ADAMTS3: variants seen among roughly 807,000 people sequenced by gnomAD.
ADAMTS3 encodes the protein A disintegrin and metalloproteinase with thrombospondin motifs 3.
ADAMTS3 carries 73 observed loss-of-function variants against 129.0 expected under a neutral mutation model. The ratio of observed to expected loss-of-function variants is 0.57; its 90% CI spans 0.47 to 0.69. ADAMTS3 has a LOEUF of 0.69. ADAMTS3 is among the 30% of genes least tolerant of loss of function. ADAMTS3 has a pLI of 0.00. For synonymous variants in ADAMTS3, 477 were observed against 510.8 expected (o/e 0.93, Z 0.89); for missense variants, 1,457 against 1,514.5 (o/e 0.96, Z 0.63).
In ADAMTS3 at chr4:72,304,085, A is replaced by G; in HGVS notation, c.2261-5T>C. ...CTGTAGCCTGGTTCTTAATAGCTAA[A>G]GGGAGAAAAATGAGTAACCAGCATA... On this transcript the variant is annotated splice_polypyrimidine_tract_variant and splice_region_variant and intron_variant, in intron 16 of 21. Coordinates refer to ENST00000286657, the MANE Select transcript of ADAMTS3 (RefSeq NM_014243.3). The G allele has an allele frequency of 6.2e-7, 1 of 1,612,396 alleles. No homozygotes were observed. Among genetic ancestry groups the G allele is most frequent in the Non-Finnish European group, 8.5e-7 (1 of 1,179,138 alleles).
chr4:72,567,490 C>T, intron 1 of ADAMTS3, 89 bp from the exon 2 acceptor site: 1 of 1,313,468 alleles, frequency 7.6e-7, no homozygotes, highest in Non-Finnish European at 1.1e-6. Context: ...TAATGGTTTC[C>T]AAGAGCTAAC....
intron 3 of ADAMTS3, among the ~76,000 whole-genome samples, chr4:72,505,626 G>A (rs949435066): frequency 1.3e-5 from 2 of 152,086 alleles, no homozygotes; most frequent in Admixed American, 1.3e-4. Flanking sequence ...GCAGGCACAT[G>A]CACAAGTGCT....
chr4:72,420,806 C>G (rs147725463), intron 3 of ADAMTS3, among the ~76,000 whole-genome samples: 249 of 152,142 alleles, frequency 1.6e-3, no homozygotes, highest in African/African-American at 5.6e-3. Flanking sequence ...TTCACAGAAA[C>G]AGAAAAGCCA....
intron 3 of ADAMTS3, among the ~76,000 whole-genome samples, chr4:72,422,180 T>G (rs917159944): frequency 1.4e-4 from 21 of 152,162 alleles, no homozygotes; most frequent in African/African-American, 5.1e-4. Context: ...ACTTAGAAAT[T>G]TTTAGAAGTG....
intron 2 of ADAMTS3, among the ~76,000 whole-genome samples, chr4:72,556,498 T>C (rs1300652237): frequency 6.6e-6 from 1 of 151,754 alleles, no homozygotes; most frequent in East Asian, 1.9e-4. Context: ...ATCTCTTATA[T>C]GTCACACAAA....
At chr4:72,324,581 G>GCA (rs749157450) in intron 5 of ADAMTS3, among the ~76,000 whole-genome samples, 3 of 151,992 alleles carry the variant, frequency 2.0e-5, no homozygotes, top group Non-Finnish European at 4.4e-5. Context: ...ACATGCACAT[G>GCA]CACACACACA....
At chr4:72,548,376 A>C in intron 3 of ADAMTS3, 102 bp downstream of exon 3, 1 of 1,231,940 alleles carries the variant, frequency 8.1e-7, no homozygotes, top group African/African-American at 1.5e-5. Flanking sequence ...ATGTAACATA[A>C]CAATGAAGCC....
At chr4:72,443,906 A>G (rs1447598241) in intron 3 of ADAMTS3, among the ~76,000 whole-genome samples, 1 of 151,724 alleles carries the variant, frequency 6.6e-6, no homozygotes, top group Non-Finnish European at 1.5e-5. Context: ...TGGGTTGCAG[A>G]ATGGTTATCC....
At chr4:72,301,333 A>G (rs1718944972) in intron 17 of ADAMTS3, among the ~76,000 whole-genome samples, 1 of 152,138 alleles carries the variant, frequency 6.6e-6, no homozygotes, top group African/African-American at 2.4e-5. Context: ...AACTACTAAA[A>G]GAATGAAAAG....
chr4:72,562,623 T>C (rs949751960), intron 2 of ADAMTS3, among the ~76,000 whole-genome samples: 14 of 152,100 alleles, frequency 9.2e-5, no homozygotes, highest in Non-Finnish European at 1.5e-5. Flanking sequence ...GAAGTTTGAA[T>C]AAGAACATGC....
At chr4:72,451,001 GAAGAGAAGAGAAGAGAAAT>G in intron 3 of ADAMTS3, among the ~76,000 whole-genome samples, 1 of 103,618 alleles carries the variant, frequency 9.7e-6, no homozygotes. Context: ...GAAGAGAAGA[GAAGAGAAGAGAAGAGAAAT>G]TTGCAACAGA....
intron 10 of ADAMTS3, among the ~76,000 whole-genome samples, chr4:72,317,520 G>A (rs2109804723): frequency 6.7e-6 from 1 of 148,708 alleles, no homozygotes; most frequent in South Asian, 2.1e-4. Flanking sequence ...GAAATTTAAT[G>A]AAATATACAT....
chr4:72,319,754 G>T, intron 8 of ADAMTS3, 104 bp downstream of exon 8: 1 of 993,380 alleles, frequency 1.0e-6, no homozygotes, highest in Non-Finnish European at 1.5e-6. Flanking sequence ...CAAAAGACAA[G>T]AATTGTATGC....
chr4:72,306,008 C>T lies in ADAMTS3; in HGVS notation c.2239G>A (p.Glu747Lys), dbSNP rs777999211. 1.7e-5 allele frequency: 28 copies of T among 1,611,512 alleles called. No homozygotes were observed. Among genetic ancestry groups the T allele is most frequent in the Middle Eastern group, 3.3e-4 (2 of 6,068 alleles). The change falls in exon 16 of 22, where the codon GAG becomes AAG. Residue 747 changes from glutamate (E) to lysine (K), a missense_variant. By Grantham distance (56) the Glu-to-Lys change is moderately conservative. Coordinates refer to ENST00000286657, the MANE Select transcript of ADAMTS3 (RefSeq NM_014243.3). ...GARHVLIQED[E>K]ASPHILAIKN... Reference sequence around the variant, plus strand: ...TTACCAAGAATATGAGGAGAAGCCTCGTCTTCTTGGATTAACACATGTCTA... The same window carrying T: ...TTACCAAGAATATGAGGAGAAGCCTTGTCTTCTTGGATTAACACATGTCTA...
At chr4:72,345,305 A>G (rs1370453172) in intron 4 of ADAMTS3, among the ~76,000 whole-genome samples, 2 of 152,164 alleles carry the variant, frequency 1.3e-5, no homozygotes, top group Admixed American at 6.6e-5. Context: ...AGAGCTAAAA[A>G]TAAGTGTAAA....
At position 72,550,081 on chromosome 4, in the gene ADAMTS3, G is replaced by GGAAGAAGAAGAAGAA. The variant is rs1182642409; in HGVS notation, c.98-1212_98-1198dup. Among the ~76,000 whole-genome samples the GGAAGAAGAAGAAGAA allele has an allele frequency of 2.7e-4, 7 of 26,040 alleles. No homozygotes were observed. In the South Asian group the frequency reaches 3.1e-3, roughly 11 times the overall value. The allele number at this position is 26,040 out of a possible 152,430, so 17.1% of individuals were successfully genotyped here. A position where few individuals can be genotyped will look rare whatever the true frequency, so the allele number is the denominator to read the frequency against. On this transcript the variant is annotated intron_variant, in intron 2 of 21. Transcript: ENST00000286657. The stretch of plus-strand genomic sequence containing the variant: ...AGGAAGAGGAAGAGGAAGAGGAAGA[G>GGAAGAAGAAGAAGAA]GAAGAAGAAGAAGAAGAAGAAGAAG...
chr4:72,560,161 C>G (rs1051662847), intron 2 of ADAMTS3, among the ~76,000 whole-genome samples: 1 of 151,336 alleles, frequency 6.6e-6, no homozygotes, highest in Non-Finnish European at 1.5e-5. Flanking sequence ...CCCTTCCTTA[C>G]ACCTTATTTA....
At chr4:72,517,785 C>A (rs1182536875) in intron 3 of ADAMTS3, among the ~76,000 whole-genome samples, 15 of 151,506 alleles carry the variant, frequency 9.9e-5, no homozygotes, top group Non-Finnish European at 1.6e-4. Flanking sequence ...TTCAAAAAAC[C>A]AGCTCCTGGA....
At chr4:72,358,588 A>G (rs1171597960) in intron 4 of ADAMTS3, among the ~76,000 whole-genome samples, 1 of 152,016 alleles carries the variant, frequency 6.6e-6, no homozygotes, top group African/African-American at 2.4e-5. Context: ...ATTATAAACA[A>G]TAAACTATAT....
Sources: allele counts gnomAD v4.1 joint callset (sites outside exome capture counted in the v4.1 genomes callset), GRCh38; gene constraint gnomAD v4.1.1; transcripts MANE v1.5; gene names NCBI Gene and HGNC (gene_info 2026-07-23, HGNC 2026-07-21).